Variants in VIT observed in about 807,000 individuals in gnomAD.
VIT encodes vitrin.
A neutral mutation model predicts 78.0 loss-of-function variants in VIT; 99 were observed. The ratio of observed to expected loss-of-function variants is 1.27; its 90% CI spans 1.08 to 1.50. VIT has a LOEUF of 1.50. Ranked by LOEUF, VIT falls within the 40% of genes most tolerant of loss-of-function variation. VIT has a pLI of 0.00. For synonymous variants in VIT, 374 were observed against 334.3 expected (o/e 1.12, Z -1.29); for missense variants, 1,126 against 875.3 (o/e 1.29, Z -3.61).
chr2:36,807,258 C>A (rs1176253266), intron 14 of VIT, among the ~76,000 whole-genome samples: 1 of 152,208 alleles, frequency 6.6e-6, no homozygotes, highest in Non-Finnish European at 1.5e-5. Flanking sequence ...CCAAATCCTT[C>A]ATTGCTACCC....
In VIT at chr2:36,729,450, C is replaced by T; in HGVS notation, c.77C>T (p.Ser26Leu). ...GTTTTGCTGGTGACTGGAGTACATT[C>T]AAACAAAGAAACGGCAAAGAAGATT... Reference protein sequence around the residue: ...FLVLLVTGVHSNKETAKKIKR... With the variant: ...FLVLLVTGVHLNKETAKKIKR... Residue 26 changes from serine (S) to leucine (L), a missense_variant, in exon 3 of 16, where the codon TCA (serine) becomes TTA (leucine). By Grantham distance (145) the Ser-to-Leu change is moderately radical. Transcript: ENST00000379242. 6.2e-7 allele frequency: 1 copy of T among 1,608,304 alleles called. No homozygotes were observed. Among genetic ancestry groups the T allele is most frequent in the Non-Finnish European group, 8.5e-7 (1 of 1,177,704 alleles).
intron 12 of VIT, among the ~76,000 whole-genome samples, chr2:36,798,235 G>C (rs143558404): frequency 5.3e-5 from 8 of 152,108 alleles, no homozygotes; most frequent in Non-Finnish European, 1.2e-4. Flanking sequence ...AGGACTGAAG[G>C]TTCCTCTAGC....
At chr2:36,768,724 G>T (rs1669585150) in intron 7 of VIT, among the ~76,000 whole-genome samples, 2 of 152,018 alleles carry the variant, frequency 1.3e-5, no homozygotes, top group African/African-American at 2.4e-5. Flanking sequence ...AACACCCCAG[G>T]CCCAGGCAGA....
At chr2:36,734,207 A>G (rs1573181098) in intron 3 of VIT, among the ~76,000 whole-genome samples, 1 of 152,210 alleles carries the variant, frequency 6.6e-6, no homozygotes, top group Non-Finnish European at 1.5e-5. Flanking sequence ...GAGGACCAAG[A>G]CAAAGGCGTC....
intron 1 of VIT, among the ~76,000 whole-genome samples, chr2:36,704,757 A>G (rs976153891): frequency 2.6e-5 from 4 of 152,100 alleles, no homozygotes; most frequent in Admixed American, 6.5e-5. Context: ...AGGGAGCCCC[A>G]TGTCTGCCTC....
intron 7 of VIT, among the ~76,000 whole-genome samples, chr2:36,768,788 ACTT>A (rs1313485484): frequency 6.6e-6 from 1 of 152,212 alleles, no homozygotes; most frequent in Admixed American, 6.5e-5. Context: ...AGCACAGCCA[ACTT>A]CTTCTTGAAT....
intron 3 of VIT, among the ~76,000 whole-genome samples, chr2:36,739,535 T>C (rs1667705383): frequency 6.6e-6 from 1 of 152,226 alleles, no homozygotes; most frequent in Admixed American, 6.5e-5. Flanking sequence ...GTGAGATCAC[T>C]ACAGCGGACA....
At chr2:36,768,914 A>G (rs1408301217) in intron 7 of VIT, among the ~76,000 whole-genome samples, 1 of 152,194 alleles carries the variant, frequency 6.6e-6, no homozygotes, top group Non-Finnish European at 1.5e-5. Flanking sequence ...TTATTATGCT[A>G]TTTTATGGAC....
chr2:36,739,537 C>G, intron 3 of VIT, among the ~76,000 whole-genome samples: 1 of 152,196 alleles, frequency 6.6e-6, no homozygotes, highest in East Asian at 1.9e-4. Context: ...GAGATCACTA[C>G]AGCGGACACA....
intron 12 of VIT, among the ~76,000 whole-genome samples, chr2:36,787,504 A>G (rs1163619763): frequency 1.3e-5 from 2 of 152,228 alleles, no homozygotes; most frequent in African/African-American, 4.8e-5. Context: ...TTGTAAGTAG[A>G]TGGCATTTGC....
intron 1 of VIT, among the ~76,000 whole-genome samples, chr2:36,709,893 A>G (rs1665694317): frequency 6.6e-6 from 1 of 152,224 alleles, no homozygotes; most frequent in South Asian, 2.1e-4. Context: ...TTCTGTAGAG[A>G]ATGAGTGGAC....
At position 36,814,503 on chromosome 2, in the gene VIT, A is replaced by C; in HGVS notation, c.*142A>C. ...AAATGTCTTGTTATTATTCTTTGCC[A>C]TCATGCTTTTTCATATTCCAAAACT... On this transcript the variant is annotated 3_prime_UTR_variant, in exon 16 of 16. Coordinates refer to ENST00000379242, the MANE Select transcript of VIT (RefSeq NM_053276.4). The C allele has an allele frequency of 9.2e-7, 1 of 1,090,142 alleles. No homozygotes were observed. Among genetic ancestry groups the C allele is most frequent in the East Asian group, 2.6e-5 (1 of 37,928 alleles). The allele number at this position is 1,090,142 out of a possible 1,614,324, so 67.5% of individuals were successfully genotyped here. A position where few individuals can be genotyped will look rare whatever the true frequency, so the allele number is the denominator to read the frequency against.
Position 36,783,382 on chromosome 2 carries a change from C to T in VIT, c.890C>T (p.Pro297Leu). ...KEELSTQSLE[P>L]VSLGDPNCKI... ...GAATTGAGCACACAGTCTTTGGAGC[C>T]AGTATCCCTGGGAGATCCAAGTAAG... The change falls in exon 11 of 16, where the codon CCA becomes CTA. Residue 297 changes from proline (P) to leucine (L), a missense_variant. Physicochemically the swap from Pro to Leu is moderately conservative, Grantham distance 98. Transcript: ENST00000379242. 6.2e-7 allele frequency: 1 copy of T among 1,614,134 alleles called. No homozygotes were observed. The highest frequency in any genetic ancestry group is 8.5e-7 in the Non-Finnish European group (1 of 1,180,006).
intron 2 of VIT, among the ~76,000 whole-genome samples, chr2:36,719,000 A>G (rs566360896): frequency 1.3e-5 from 2 of 152,236 alleles, no homozygotes; most frequent in Non-Finnish European, 2.9e-5. Flanking sequence ...AATAGGGTTT[A>G]GTCGAACAAA....
chr2:36,767,867 C>A (rs1669528407), intron 7 of VIT, among the ~76,000 whole-genome samples: 1 of 152,206 alleles, frequency 6.6e-6, no homozygotes, highest in South Asian at 2.1e-4. Flanking sequence ...TCTACACCAT[C>A]CTAAGTTAAT....
At chr2:36,731,589 C>T (rs1418928170) in intron 3 of VIT, among the ~76,000 whole-genome samples, 1 of 152,040 alleles carries the variant, frequency 6.6e-6, no homozygotes. Context: ...TGATTTTAAA[C>T]ATCCACGTCC....
intron 7 of VIT, among the ~76,000 whole-genome samples, chr2:36,769,279 G>T (rs1369729171): frequency 6.6e-6 from 1 of 152,190 alleles, no homozygotes; most frequent in Non-Finnish European, 1.5e-5. Context: ...TAAACATGTG[G>T]CATATTTATT....
Position 36,716,354 on chromosome 2 carries a change from G to A in VIT, c.-17G>A, listed in dbSNP as rs1573133875. 2 of 1,612,930 alleles carry A rather than the reference G, an allele frequency of 1.2e-6. No individual in the cohort carries two copies. Among genetic ancestry groups the A allele is most frequent in the Non-Finnish European group, 1.7e-6 (2 of 1,179,246 alleles). ...ACGTTATTGTTTCTTTCTCTCCAGG[G>A]TGTCATTCTGATATTTATGAGGACT... On this transcript the variant is annotated splice_region_variant and 5_prime_UTR_variant, in exon 2 of 16. It adds an upstream start codon to the 5' untranslated region. Transcript: ENST00000379242.
At chr2:36,790,245 A>G (rs1313998562) in intron 12 of VIT, among the ~76,000 whole-genome samples, 2 of 152,162 alleles carry the variant, frequency 1.3e-5, no homozygotes, top group African/African-American at 4.8e-5. Context: ...AGATTCGTGG[A>G]AAGGAAAGTG....
Sources: gnomAD v4.1 joint callset for allele counts (sites outside exome capture counted in the v4.1 genomes callset) on GRCh38, gnomAD v4.1.1 for gene constraint, MANE v1.5 for transcripts, NCBI Gene and HGNC (gene_info 2026-07-23, HGNC 2026-07-21) for gene names.